The following GPC5 variants were observed in gnomAD, a reference collection of about 807,000 sequenced individuals.
GPC5 encodes glypican-5.
Under a neutral mutation model 53.9 loss-of-function variants are expected in GPC5, and 47 were observed. The observed-to-expected ratio is 0.87, with a 90% confidence interval of 0.69 to 1.11. The LOEUF (loss-of-function observed/expected upper bound fraction) is 1.11. GPC5 is among the 50% of genes most tolerant of loss of function. The pLI, the probability that GPC5 is intolerant of heterozygous loss-of-function variation, is 0.00. For synonymous variants in GPC5, 286 were observed against 263.3 expected (o/e 1.09, Z -0.84); for missense variants, 748 against 713.1 (o/e 1.05, Z -0.56).
chr13:92,746,302 A>T (rs2139318574), intron 7 of GPC5, among the ~76,000 whole-genome samples: 1 of 152,282 alleles, frequency 6.6e-6, no homozygotes, highest in Middle Eastern at 3.4e-3. Flanking sequence ...AAAGCCAACC[A>T]ACTTCAAAAT....
intron 7 of GPC5, among the ~76,000 whole-genome samples, chr13:92,567,405 G>A (rs145004555): frequency 1.3e-5 from 2 of 152,116 alleles, no homozygotes; most frequent in African/African-American, 4.8e-5. Flanking sequence ...ACAGAATAAT[G>A]CCTCCTCCCC....
chr13:91,770,647 A>G (rs181462164), intron 5 of GPC5, among the ~76,000 whole-genome samples: 1 of 151,818 alleles, frequency 6.6e-6, no homozygotes, highest in African/African-American at 2.4e-5. Flanking sequence ...TAGACCTGAA[A>G]ATTATCCCAG....
chr13:92,096,986 A>G (rs1183207009), intron 6 of GPC5, among the ~76,000 whole-genome samples: 1 of 152,216 alleles, frequency 6.6e-6, no homozygotes, highest in Non-Finnish European at 1.5e-5. Context: ...TTGCTAGTAA[A>G]GAGTCAAGAG....
intron 2 of GPC5, among the ~76,000 whole-genome samples, chr13:91,569,253 G>T (rs1347434146): frequency 1.3e-5 from 2 of 152,092 alleles, no homozygotes; most frequent in Non-Finnish European, 2.9e-5. Flanking sequence ...TTCAATAAAT[G>T]ATATTGGGCC....
intron 7 of GPC5, among the ~76,000 whole-genome samples, chr13:92,836,394 C>T (rs1040127946): frequency 3.9e-5 from 6 of 152,080 alleles, no homozygotes; most frequent in Admixed American, 2.0e-4. Flanking sequence ...GTTCCAGAAC[C>T]AGTCATTTAA....
intron 7 of GPC5, among the ~76,000 whole-genome samples, chr13:92,190,106 A>G (rs1347853425): frequency 6.6e-6 from 1 of 152,156 alleles, no homozygotes; most frequent in Non-Finnish European, 1.5e-5. Flanking sequence ...GAAGCTTATA[A>G]AAAAGCAAAA....
At chr13:92,050,337 G>A (rs902881205) in intron 6 of GPC5, among the ~76,000 whole-genome samples, 1 of 151,958 alleles carries the variant, frequency 6.6e-6, no homozygotes. Flanking sequence ...TTTAAAAAAA[G>A]CAATAAGGAA....
At chr13:92,246,357 T>C (rs984178911) in intron 7 of GPC5, among the ~76,000 whole-genome samples, 7 of 152,150 alleles carry the variant, frequency 4.6e-5, no homozygotes, top group African/African-American at 1.2e-4. Context: ...AATTTATTCA[T>C]TATGATAATA....
At chr13:92,516,904 G>A (rs1449905170) in intron 7 of GPC5, among the ~76,000 whole-genome samples, 1 of 152,164 alleles carries the variant, frequency 6.6e-6, no homozygotes, top group African/African-American at 2.4e-5. Flanking sequence ...GGAAGCACAA[G>A]GGGTCAGGGA....
At chr13:92,361,696 G>A (rs1227505516) in intron 7 of GPC5, among the ~76,000 whole-genome samples, 1 of 151,666 alleles carries the variant, frequency 6.6e-6, no homozygotes, top group Non-Finnish European at 1.5e-5. Context: ...TGCCTTTTAG[G>A]AGTGGAAAGA....
At chr13:92,659,130 G>A (rs61975919) in intron 7 of GPC5, 5 of 150,288 alleles carry the variant, frequency 3.3e-5, no homozygotes, top group South Asian at 2.1e-4. Flanking sequence ...GGGTTTCACC[G>A]TTTTAGCCGG....
At chr13:91,410,145 A>G (rs909050026) in intron 1 of GPC5, among the ~76,000 whole-genome samples, 4 of 152,076 alleles carry the variant, frequency 2.6e-5, no homozygotes, top group Non-Finnish European at 4.4e-5. Context: ...CTCTTTATTC[A>G]CAGGCTTGTC....
chr13:92,267,744 A>G (rs753841083), intron 7 of GPC5, among the ~76,000 whole-genome samples: 13 of 152,070 alleles, frequency 8.5e-5, no homozygotes, highest in Non-Finnish European at 1.3e-4. Flanking sequence ...GAATACATTC[A>G]CACTTGTTCA....
At chr13:92,190,002 C>T (rs999713528) in intron 7 of GPC5, among the ~76,000 whole-genome samples, 4 of 152,134 alleles carry the variant, frequency 2.6e-5, no homozygotes, top group African/African-American at 9.7e-5. Flanking sequence ...ATCCACGAAG[C>T]TCAGAGAACA....
intron 2 of GPC5, among the ~76,000 whole-genome samples, chr13:91,630,012 T>C (rs2034115648): frequency 6.6e-6 from 1 of 152,114 alleles, no homozygotes; most frequent in African/African-American, 2.4e-5. Context: ...TTCTCTCACC[T>C]ACTGTGTTTT....
At chr13:91,913,446 G>A (rs2039629562) in intron 6 of GPC5, among the ~76,000 whole-genome samples, 3 of 151,106 alleles carry the variant, frequency 2.0e-5, no homozygotes, top group South Asian at 4.2e-4. Context: ...TTCCTAGAGA[G>A]AGGTCATAGC....
At position 91,823,682 on chromosome 13, in the gene GPC5, C is replaced by A. The variant is rs141738680; in HGVS notation, c.1280+67262C>A. On this transcript the variant is annotated intron_variant, in intron 5 of 7. Transcript: ENST00000377067. ...TTATTAATCTCTTAAAAATTATGACCCAAACTAACATAAACTGCACAAAAC... is the reference window on the plus strand; with the variant it reads ...TTATTAATCTCTTAAAAATTATGACACAAACTAACATAAACTGCACAAAAC... Among the ~76,000 whole-genome samples, 82 of 151,972 alleles carry A rather than the reference C, an allele frequency of 5.4e-4. 1 individual carries two copies. Among genetic ancestry groups the A allele is most frequent in the African/African-American group, 1.9e-3 (80 of 41,450 alleles).
intron 7 of GPC5, among the ~76,000 whole-genome samples, chr13:92,364,783 G>T (rs941038316): frequency 5.3e-5 from 8 of 151,648 alleles, no homozygotes; most frequent in African/African-American, 2.0e-4. Context: ...ATGAATAAAA[G>T]GCATTTTTAT....
In GPC5 at chr13:91,398,695, C is replaced by T; in HGVS notation, c.-352C>T. On this transcript the variant is annotated 5_prime_UTR_variant, in exon 1 of 8. Transcript: ENST00000377067. ...GCGGCGGCAGTGGCGGCAGTGGCGGCAGTGGCGGCAGCGGCAGCAGTTGCA... is the reference window on the plus strand; with the variant it reads ...GCGGCGGCAGTGGCGGCAGTGGCGGTAGTGGCGGCAGCGGCAGCAGTTGCA... 8.4e-6 allele frequency: 2 copies of T among 237,368 alleles called. No individual in the cohort carries two copies. Among genetic ancestry groups the T allele is most frequent in the Non-Finnish European group, 1.6e-5 (2 of 125,934 alleles). 14.7% of individuals were successfully genotyped at this position (237,368 alleles called of 1,614,324 possible). A position where few individuals can be genotyped will look rare whatever the true frequency, so the allele number is the denominator to read the frequency against.
Sources: gnomAD v4.1 joint callset for allele counts (sites outside exome capture counted in the v4.1 genomes callset) on GRCh38, gnomAD v4.1.1 for gene constraint, MANE v1.5 for transcripts, NCBI Gene and HGNC (gene_info 2026-07-23, HGNC 2026-07-21) for gene names.